Variants in KIAA1217 observed in about 807,000 individuals in gnomAD.
The protein encoded by KIAA1217 is sickle tail protein homolog.
Under a neutral mutation model 163.9 loss-of-function variants are expected in KIAA1217, and 88 were observed. The ratio of observed to expected loss-of-function variants is 0.54; its 90% confidence interval spans 0.45 to 0.64. The LOEUF (loss-of-function observed/expected upper bound fraction) is 0.64, where lower values mean the gene tolerates loss of function less well. KIAA1217 is among the 30% of genes least tolerant of loss of function. The pLI is 0.00. For synonymous variants in KIAA1217, 903 were observed against 923.1 expected (o/e 0.98, Z 0.39); for missense variants, 2,372 against 2,475.0 (o/e 0.96, Z 0.88).
At chr10:24,258,299 C>G (rs2075367636) in intron 2 of KIAA1217, among the ~76,000 whole-genome samples, 1 of 152,106 alleles carries the variant, frequency 6.6e-6, no homozygotes. Context: ...TCTCCAAACC[C>G]AAACGCATAG....
At chr10:23,847,212 T>C (rs189305721) in intron 1 of KIAA1217, among the ~76,000 whole-genome samples, 1 of 152,272 alleles carries the variant, frequency 6.6e-6, no homozygotes, top group East Asian at 1.9e-4. Flanking sequence ...TTGTTGTGTC[T>C]CTGTCAGGTT....
intron 1 of KIAA1217, among the ~76,000 whole-genome samples, chr10:23,849,520 A>C (rs1478638554): frequency 6.6e-6 from 1 of 151,974 alleles, no homozygotes; most frequent in East Asian, 1.9e-4. Context: ...AATATTCTCA[A>C]AGTTGGTGTC....
intron 20 of KIAA1217, 183 bp downstream of exon 20, chr10:24,545,286 T>A (rs1375424264): frequency 7.1e-7 from 1 of 1,411,928 alleles, no homozygotes; most frequent in African/African-American, 1.4e-5. Flanking sequence ...CGCTTTTGCA[T>A]GCTTGCAATA....
rs564209175 is a variant in KIAA1217, at chr10:24,026,867, G to A, written c.-171+19493G>A. 4.7e-5 allele frequency among the ~76,000 whole-genome samples: 7 copies of A among 148,266 alleles called. No homozygotes were observed. The East Asian group carries it at 1.0e-3, about 21-fold the overall frequency. On this transcript the variant is annotated intron_variant, in intron 2 of 18. Coordinates refer to the KIAA1217 transcript ENST00000376462. ...CTTTTCTTATTTTCTAGCATAAATAGTTATGGTATAAGCTATATAATATCA... is the reference window on the plus strand; with the variant it reads ...CTTTTCTTATTTTCTAGCATAAATAATTATGGTATAAGCTATATAATATCA...
At chr10:24,147,715 C>T (rs2064384953) in intron 2 of KIAA1217, among the ~76,000 whole-genome samples, 2 of 151,116 alleles carry the variant, frequency 1.3e-5, no homozygotes, top group South Asian at 4.2e-4. Context: ...TGCCTGTAAT[C>T]CCAACTACTC....
chr10:24,303,772 T>G (rs2041665332), intron 2 of KIAA1217, among the ~76,000 whole-genome samples: 1 of 152,180 alleles, frequency 6.6e-6, no homozygotes, highest in Non-Finnish European at 1.5e-5. Flanking sequence ...GGTCGTGTGT[T>G]GGCCGTCTTT....
At chr10:24,232,143 C>A (rs1446748702) in intron 2 of KIAA1217, among the ~76,000 whole-genome samples, 1 of 152,226 alleles carries the variant, frequency 6.6e-6, no homozygotes, top group East Asian at 1.9e-4. Flanking sequence ...AAGTACATCT[C>A]AGAAGATTTG....
intron 5 of KIAA1217, among the ~76,000 whole-genome samples, chr10:24,441,407 G>A (rs1364700142): frequency 6.6e-6 from 1 of 152,114 alleles, no homozygotes; most frequent in Non-Finnish European, 1.5e-5. Flanking sequence ...ACCAATGAAT[G>A]TAATATCTTG....
chr10:24,441,866 A>G (rs1249620777), intron 5 of KIAA1217, among the ~76,000 whole-genome samples: 1 of 152,158 alleles, frequency 6.6e-6, no homozygotes, highest in Non-Finnish European at 1.5e-5. Flanking sequence ...CATGACTCTC[A>G]AAAAGTACAC....
chr10:24,481,730 A>G (rs892111574), intron 6 of KIAA1217: 17 of 152,222 alleles, frequency 1.1e-4, no homozygotes, highest in African/African-American at 4.1e-4. Flanking sequence ...GTACATAATT[A>G]ATTCCAAAGA....
chr10:24,192,550 A>C (rs150274571), intron 2 of KIAA1217, among the ~76,000 whole-genome samples: 143 of 152,346 alleles, frequency 9.4e-4, no homozygotes, highest in African/African-American at 3.1e-3. Context: ...ATTTGTTCAC[A>C]GCCCAGGCTT....
At chr10:24,249,996 C>A (rs2074286296) in intron 2 of KIAA1217, among the ~76,000 whole-genome samples, 1 of 152,196 alleles carries the variant, frequency 6.6e-6, no homozygotes, top group East Asian at 1.9e-4. Flanking sequence ...AAGTTCTCCT[C>A]TGCACCTCCT....
chr10:23,883,622 T>G (rs890350424), intron 1 of KIAA1217, among the ~76,000 whole-genome samples: 1 of 151,940 alleles, frequency 6.6e-6, no homozygotes, highest in African/African-American at 2.4e-5. Flanking sequence ...GAACCTACAT[T>G]GACACATCAT....
At chr10:24,103,626 A>G (rs1400734080) in intron 2 of KIAA1217, among the ~76,000 whole-genome samples, 2 of 145,808 alleles carry the variant, frequency 1.4e-5, no homozygotes, top group Admixed American at 1.4e-4. Context: ...ATACAGATAG[A>G]AAAAAAGCAT....
At position 24,261,500 on chromosome 10, in the gene KIAA1217, A is replaced by AC. The variant is rs1228647345; in HGVS notation, c.354+41591_354+41592insC. ...GGTAGAGCAAGACTCTGTCTCAGACAAAAAAAAAAAAAAAGCATTTAATCT... is the reference window on the plus strand; with the variant it reads ...GGTAGAGCAAGACTCTGTCTCAGACACAAAAAAAAAAAAAAGCATTTAATCT... On this transcript the variant is annotated intron_variant, in intron 2 of 20. Coordinates refer to ENST00000376454, the MANE Select transcript of KIAA1217 (RefSeq NM_019590.5). Among the ~76,000 whole-genome samples the AC allele has an allele frequency of 6.2e-4, 6 of 9,614 alleles. No homozygotes were observed. The East Asian group carries it at 0.014, about 23-fold the overall frequency. The allele number at this position is 9,614 out of a possible 152,430, so 6.3% of individuals were successfully genotyped here.
intron 2 of KIAA1217, among the ~76,000 whole-genome samples, chr10:24,349,132 CAA>C (rs11318554): frequency 0.031 from 3,240 of 105,512 alleles, 105 homozygotes; most frequent in East Asian, 0.17. Flanking sequence ...GACCCTGTCT[CAA>C]AAAAAAAAAA....
intron 2 of KIAA1217, among the ~76,000 whole-genome samples, chr10:24,060,375 T>C (rs1018787816): frequency 3.3e-5 from 5 of 152,060 alleles, no homozygotes; most frequent in Admixed American, 6.6e-5. Flanking sequence ...GGTTTTTTCT[T>C]TTACTCACTG....
At chr10:24,360,040 CTTTTTTT>C (rs34396312) in intron 2 of KIAA1217, among the ~76,000 whole-genome samples, 15 of 94,282 alleles carry the variant, frequency 1.6e-4, no homozygotes, top group African/African-American at 2.2e-4. Context: ...GATATAATTA[CTTTTTTT>C]TTTTTTTTTT....
intron 3 of KIAA1217, among the ~76,000 whole-genome samples, chr10:24,418,664 C>T (rs1393645020): frequency 2.0e-5 from 3 of 152,094 alleles, no homozygotes; most frequent in African/African-American, 4.8e-5. Context: ...ATAATCTCTG[C>T]GCCTAAATCT....
Sources: gnomAD v4.1 joint callset for allele counts (sites outside exome capture counted in the v4.1 genomes callset) on GRCh38, gnomAD v4.1.1 for gene constraint, MANE v1.5 for transcripts, NCBI Gene and HGNC (gene_info 2026-07-23, HGNC 2026-07-21) for gene names.